ANKS1B: variants seen among roughly 807,000 people sequenced by gnomAD.
ANKS1B encodes the protein ankyrin repeat and sterile alpha motif domain containing 1B.
A neutral mutation model predicts 148.3 loss-of-function variants in ANKS1B; 36 were observed. That is an observed-to-expected ratio of 0.24 (90% confidence interval 0.19 to 0.32). ANKS1B has a LOEUF of 0.32. Among genes scored for constraint, ANKS1B ranks in the 10% least tolerant of loss-of-function variants. The pLI is 1.00. For missense variants in ANKS1B, 1,157 were observed against 1,542.6 expected, an observed-to-expected ratio of 0.75 and a Z score of 4.19; for synonymous variants, 542 against 560.8, an observed-to-expected ratio of 0.97 and a Z score of 0.47.
chr12:99,540,871 A>G (rs2097118768), intron 9 of ANKS1B, among the ~76,000 whole-genome samples: 1 of 152,004 alleles, frequency 6.6e-6, no homozygotes, highest in African/African-American at 2.4e-5. Flanking sequence ...AAAAAATACA[A>G]TTGACAAAAT....
intron 15 of ANKS1B, among the ~76,000 whole-genome samples, chr12:99,092,277 C>G (rs2054277140): frequency 6.6e-6 from 1 of 152,070 alleles, no homozygotes; most frequent in Admixed American, 6.6e-5. Context: ...TGGTCTTTCC[C>G]AGCAGCTGAG....
At chr12:99,939,458 T>C (rs2094863217) in intron 1 of ANKS1B, among the ~76,000 whole-genome samples, 1 of 152,112 alleles carries the variant, frequency 6.6e-6, no homozygotes, top group South Asian at 2.1e-4. Flanking sequence ...CTTGAACTCC[T>C]GGAGGATAGT....
At chr12:99,039,041 C>T (rs965508712) in intron 17 of ANKS1B, among the ~76,000 whole-genome samples, 1 of 152,214 alleles carries the variant, frequency 6.6e-6, no homozygotes, top group African/African-American at 2.4e-5. Flanking sequence ...GTTTCCAATG[C>T]ATTTCTAGAG....
intron 12 of ANKS1B, among the ~76,000 whole-genome samples, chr12:99,322,540 C>A (rs1419453874): frequency 1.4e-5 from 2 of 147,642 alleles, no homozygotes; most frequent in South Asian, 2.2e-4. Context: ...CATACAGGAA[C>A]AAAAACAAAA....
At chr12:99,513,321 AT>A (rs2096785236) in intron 9 of ANKS1B, among the ~76,000 whole-genome samples, 1 of 152,104 alleles carries the variant, frequency 6.6e-6, no homozygotes, top group Non-Finnish European at 1.5e-5. Flanking sequence ...CAAAAAAATC[AT>A]GTGACTGGCT....
At chr12:99,462,606 C>A (rs2096000785) in intron 10 of ANKS1B, among the ~76,000 whole-genome samples, 1 of 152,196 alleles carries the variant, frequency 6.6e-6, no homozygotes, top group Non-Finnish European at 1.5e-5. Context: ...CAATTAGGTA[C>A]TAATGACTGA....
intron 9 of ANKS1B, among the ~76,000 whole-genome samples, chr12:99,508,529 A>C (rs1214721820): frequency 6.6e-6 from 1 of 151,404 alleles, no homozygotes; most frequent in African/African-American, 2.4e-5. Flanking sequence ...ATAGTATTAT[A>C]TAAAATATTT....
At chr12:98,955,245 C>A (rs1391287220) in intron 17 of ANKS1B, among the ~76,000 whole-genome samples, 1 of 152,032 alleles carries the variant, frequency 6.6e-6, no homozygotes. Flanking sequence ...CAGAGAAGAC[C>A]ACCTTTGAGA....
At chr12:99,606,391 T>C (rs993797756) in intron 9 of ANKS1B, among the ~76,000 whole-genome samples, 12 of 152,108 alleles carry the variant, frequency 7.9e-5, no homozygotes, top group Non-Finnish European at 1.6e-4. Context: ...TTTAATTACA[T>C]GTATTAACTA....
intron 12 of ANKS1B, among the ~76,000 whole-genome samples, chr12:99,302,726 C>T (rs2154021320): frequency 6.6e-6 from 1 of 152,222 alleles, no homozygotes; most frequent in East Asian, 1.9e-4. Context: ...TGTTAAGTGA[C>T]ATAAAGAATA....
intron 9 of ANKS1B, among the ~76,000 whole-genome samples, chr12:99,518,522 A>G (rs890216168): frequency 6.6e-6 from 1 of 152,098 alleles, no homozygotes; most frequent in Non-Finnish European, 1.5e-5. Flanking sequence ...GAACCCATTA[A>G]TGATCCTCTG....
intron 8 of ANKS1B, among the ~76,000 whole-genome samples, chr12:99,747,947 T>C (rs2060751552): frequency 2.0e-5 from 3 of 150,234 alleles, no homozygotes; most frequent in African/African-American, 7.4e-5. Flanking sequence ...GAATAATGTA[T>C]GAATGCAAAT....
intron 19 of ANKS1B, among the ~76,000 whole-genome samples, chr12:98,811,691 C>T (rs2099097449): frequency 1.3e-5 from 2 of 152,148 alleles, no homozygotes; most frequent in African/African-American, 4.8e-5. Context: ...CCAGCACTAA[C>T]CAATGTTCTG....
In ANKS1B at chr12:99,705,085, T is replaced by C. The variant is rs79001388; in HGVS notation, c.1129-49875A>G. Among the ~76,000 whole-genome samples the C allele has an allele frequency of 1.6e-4, 24 of 152,204 alleles. No homozygotes were observed. The East Asian group carries it at 4.6e-3, about 29-fold the overall frequency. On this transcript the variant is annotated intron_variant, in intron 8 of 26. Coordinates refer to ENST00000683438, the MANE Select transcript of ANKS1B (RefSeq NM_001352186.2). ...GACTACAGAGGACTCATGAATTCCATACCAGATATGTCTGAAAGAATAGGT... is the reference window on the plus strand; with the variant it reads ...GACTACAGAGGACTCATGAATTCCACACCAGATATGTCTGAAAGAATAGGT...
intron 1 of ANKS1B, among the ~76,000 whole-genome samples, chr12:99,883,518 T>TA (rs1055999070): frequency 2.6e-5 from 4 of 151,572 alleles, no homozygotes; most frequent in Non-Finnish European, 2.9e-5. Context: ...GCATGATTCA[T>TA]AAAAAAAATT....
chr12:99,892,338 G>A (rs995369892), intron 1 of ANKS1B, among the ~76,000 whole-genome samples: 15 of 152,116 alleles, frequency 9.9e-5, no homozygotes, highest in African/African-American at 2.4e-4. Flanking sequence ...CTGACACACC[G>A]AATGCATGCA....
intron 17 of ANKS1B, among the ~76,000 whole-genome samples, chr12:98,897,544 A>G (rs779825806): frequency 1.1e-4 from 16 of 152,236 alleles, no homozygotes; most frequent in Non-Finnish European, 2.1e-4. Flanking sequence ...CAGAATGACT[A>G]TTATTAAAAA....
intron 17 of ANKS1B, among the ~76,000 whole-genome samples, chr12:98,857,782 G>C (rs570494591): frequency 3.7e-4 from 57 of 152,156 alleles, no homozygotes; most frequent in Non-Finnish European, 7.4e-4. Flanking sequence ...TAAACTCAAG[G>C]TATTTATAAG....
chr12:99,983,356 A>T (rs923618916), intron 1 of ANKS1B, among the ~76,000 whole-genome samples: 11 of 152,066 alleles, frequency 7.2e-5, no homozygotes, highest in African/African-American at 2.7e-4. Context: ...CATTTTTTTT[A>T]AATGTCATCT....
Sources: allele counts gnomAD v4.1 joint callset (sites outside exome capture counted in the v4.1 genomes callset), GRCh38; gene constraint gnomAD v4.1.1; transcripts MANE v1.5; gene names NCBI Gene and HGNC (gene_info 2026-07-23, HGNC 2026-07-21).